The following GRIK4 variants were observed in gnomAD, a reference collection of about 807,000 sequenced individuals.
GRIK4 encodes the protein glutamate receptor ionotropic, kainate 4.
Under a neutral mutation model 104.9 loss-of-function variants are expected in GRIK4, and 40 were observed. The ratio of observed to expected loss-of-function variants is 0.38; its 90% confidence interval spans 0.30 to 0.50. The LOEUF is 0.50. Among genes scored for constraint, GRIK4 ranks in the 20% least tolerant of loss-of-function variants. GRIK4 has a pLI of 0.93. For missense variants in GRIK4, 1,047 were observed against 1,308.1 expected (o/e 0.80, Z 3.08); for synonymous variants, 485 against 524.9 (o/e 0.92, Z 1.04).
intron 6 of GRIK4, among the ~76,000 whole-genome samples, chr11:120,825,851 A>C (rs1565375849): frequency 6.6e-6 from 1 of 152,112 alleles, no homozygotes; most frequent in Non-Finnish European, 1.5e-5. Context: ...TTATTCTGCA[A>C]CTCTGCTTAT....
At chr11:120,978,947 G>A (rs527895187) in intron 19 of GRIK4, among the ~76,000 whole-genome samples, 2 of 152,314 alleles carry the variant, frequency 1.3e-5, no homozygotes, top group African/African-American at 2.4e-5. Context: ...CATTAGGCTC[G>A]AAACAAAATG....
intron 15 of GRIK4, among the ~76,000 whole-genome samples, chr11:120,954,811 A>T (rs1268583943): frequency 2.7e-5 from 2 of 73,274 alleles, no homozygotes; most frequent in Non-Finnish European, 5.4e-5. Flanking sequence ...ACACACACAC[A>T]CACACACACA....
intron 3 of GRIK4, among the ~76,000 whole-genome samples, chr11:120,763,197 A>G (rs1951778517): frequency 1.3e-5 from 2 of 152,104 alleles, no homozygotes; most frequent in South Asian, 4.1e-4. Flanking sequence ...CCAGGAATTT[A>G]TCCATTTTTT....
At chr11:120,695,107 C>G (rs73586316) in intron 3 of GRIK4, among the ~76,000 whole-genome samples, 5,144 of 152,290 alleles carry the variant, frequency 0.034, 186 homozygotes, top group African/African-American at 0.086. Context: ...AGAGGGGGAG[C>G]CAGGGATGCC....
intron 3 of GRIK4, among the ~76,000 whole-genome samples, chr11:120,677,382 C>T (rs1591795277): frequency 1.3e-5 from 2 of 152,266 alleles, no homozygotes; most frequent in South Asian, 4.2e-4. Flanking sequence ...ATTCTGCCTG[C>T]CATCCTTCCA....
intron 19 of GRIK4, 48 bp from the exon 20 acceptor site, chr11:120,982,058 C>A: frequency 8.4e-7 from 1 of 1,191,594 alleles, no homozygotes; most frequent in Non-Finnish European, 1.3e-6. Flanking sequence ...ATGATTGTGT[C>A]TTCCTGATCT....
chr11:120,634,323 T>C (rs1475677789), intron 1 of GRIK4, among the ~76,000 whole-genome samples: 1 of 152,152 alleles, frequency 6.6e-6, no homozygotes, highest in Non-Finnish European at 1.5e-5. Flanking sequence ...GCCAGGGCTA[T>C]GCCTGAAGTT....
intron 13 of GRIK4, among the ~76,000 whole-genome samples, chr11:120,910,519 A>G (rs1462172419): frequency 1.3e-5 from 2 of 152,228 alleles, no homozygotes. Context: ...TTTGCAGCTA[A>G]GCCCGCAGAA....
At position 120,723,712 on chromosome 11, in the gene GRIK4, C is replaced by G. The variant is rs1348223697; in HGVS notation, c.82+63312C>G. Among the ~76,000 whole-genome samples, 7 of 152,150 alleles carry G rather than the reference C, an allele frequency of 4.6e-5. No homozygotes were observed. In the East Asian group the frequency reaches 1.3e-3, roughly 29 times the overall value. ...GGGCCAGTTAGTGTGCCTGGCCTTC[C>G]TCACAGTGGATAGGACATCTGAAAG... On this transcript the variant is annotated intron_variant, in intron 3 of 20. Transcript: ENST00000527524.
chr11:120,681,979 A>G (rs1038371663), intron 3 of GRIK4, among the ~76,000 whole-genome samples: 7 of 152,232 alleles, frequency 4.6e-5, no homozygotes, highest in African/African-American at 1.7e-4. Context: ...ATTAGCAATG[A>G]TTTCCTTCAT....
intron 3 of GRIK4, among the ~76,000 whole-genome samples, chr11:120,680,960 CTG>C (rs1950183209): frequency 6.6e-6 from 1 of 152,188 alleles, no homozygotes; most frequent in Non-Finnish European, 1.5e-5. Flanking sequence ...AGAAGGAGGA[CTG>C]TGTGTGCTTG....
intron 1 of GRIK4, among the ~76,000 whole-genome samples, chr11:120,644,766 A>G (rs887652867): frequency 1.3e-5 from 2 of 152,210 alleles, no homozygotes; most frequent in Non-Finnish European, 2.9e-5. Flanking sequence ...GAGGACGATC[A>G]AAGACAAGGA....
intron 3 of GRIK4, among the ~76,000 whole-genome samples, chr11:120,747,869 C>T (rs967922362): frequency 1.3e-5 from 2 of 152,232 alleles, no homozygotes; most frequent in African/African-American, 2.4e-5. Flanking sequence ...TGCACACACA[C>T]ACCAGTTTTC....
In GRIK4 at chr11:120,527,635, C is replaced by G. The variant is rs548479437; in HGVS notation, c.-159+15748C>G. ...GACGGGCATTCAGGTGCTTTTGTTA[C>G]CTTTGTGATGTGGCTGAGCCAGACA... On this transcript the variant is annotated intron_variant, in intron 1 of 20. Coordinates refer to ENST00000527524, the MANE Select transcript of GRIK4 (RefSeq NM_014619.5). 7.9e-5 allele frequency among the ~76,000 whole-genome samples: 12 copies of G among 152,360 alleles called. No homozygotes were observed. In the East Asian group the frequency reaches 2.3e-3, roughly 29 times the overall value.
chr11:120,772,749 GA>G (rs769060468), intron 3 of GRIK4, among the ~76,000 whole-genome samples: 1 of 151,898 alleles, frequency 6.6e-6, no homozygotes, highest in Non-Finnish European at 1.5e-5. Context: ...GAAGAAAGGG[GA>G]AGGAATGGGA....
chr11:120,551,516 T>C (rs747695975), intron 1 of GRIK4, among the ~76,000 whole-genome samples: 3 of 152,172 alleles, frequency 2.0e-5, no homozygotes, highest in Non-Finnish European at 4.4e-5. Context: ...CATGGTGGCT[T>C]GTGCCTGCAA....
At chr11:120,904,359 C>T (rs557285029) in intron 12 of GRIK4, among the ~76,000 whole-genome samples, 6 of 152,288 alleles carry the variant, frequency 3.9e-5, no homozygotes, top group Non-Finnish European at 8.8e-5. Context: ...CTCTGAGGAC[C>T]CACACCCAAC....
At chr11:120,527,379 C>T (rs147211893) in intron 1 of GRIK4, among the ~76,000 whole-genome samples, 76 of 152,290 alleles carry the variant, frequency 5.0e-4, no homozygotes, top group African/African-American at 1.4e-3. Flanking sequence ...GTGGGGACCC[C>T]GGAGCAGATG....
intron 3 of GRIK4, among the ~76,000 whole-genome samples, chr11:120,758,057 A>T (rs1951683215): frequency 6.6e-6 from 1 of 151,962 alleles, no homozygotes. Flanking sequence ...CCCCCAGGTG[A>T]CCCCTCTGCA....
Sources: allele counts gnomAD v4.1 joint callset (sites outside exome capture counted in the v4.1 genomes callset), GRCh38; gene constraint gnomAD v4.1.1; transcripts MANE v1.5; gene names NCBI Gene and HGNC (gene_info 2026-07-23, HGNC 2026-07-21).